The following LRBA variants were observed in gnomAD, a reference collection of about 807,000 sequenced individuals.
LRBA encodes the protein LPS responsive beige-like anchor protein.
LRBA carries 176 observed loss-of-function variants against 330.0 expected under a neutral mutation model. The observed-to-expected ratio is 0.53, with a 90% CI of 0.47 to 0.60. The LOEUF (loss-of-function observed/expected upper bound fraction) is 0.60, where lower values mean the gene tolerates loss of function less well. LRBA is among the 20% of genes least tolerant of loss of function. LRBA has a pLI of 0.00. For missense variants in LRBA, 3,259 were observed against 3,444.8 expected (o/e 0.95, Z 1.35); for synonymous variants, 1,230 against 1,193.0 (o/e 1.03, Z -0.64).
chr4:150,734,811 C>G (rs972668869), intron 36 of LRBA, among the ~76,000 whole-genome samples: 1 of 152,162 alleles, frequency 6.6e-6, no homozygotes, highest in East Asian at 1.9e-4. Context: ...AATACTGTTA[C>G]GCTCTCAAAC....
chr4:150,719,854 T>G (rs1728698483), intron 36 of LRBA, among the ~76,000 whole-genome samples: 1 of 152,156 alleles, frequency 6.6e-6, no homozygotes. Context: ...TAAACTCGAC[T>G]CTACTCTCTT....
rs542106932 is a variant in LRBA, at chr4:150,952,079, T to C, written c.217-23014A>G. Among the ~76,000 whole-genome samples the C allele has an allele frequency of 4.6e-5, 7 of 152,330 alleles. No individual in the cohort carries two copies. In the East Asian group the frequency reaches 1.3e-3, roughly 29 times the overall value. On this transcript the variant is annotated intron_variant, in intron 2 of 56. Transcript: ENST00000651943. The stretch of plus-strand genomic sequence containing the variant: ...CAGCCTTAGTCCAGAACACTAAGTG[T>C]CCACTACCAACTCCAAATCATTCTA...
intron 47 of LRBA, among the ~76,000 whole-genome samples, chr4:150,413,286 C>T (rs1273545951): frequency 6.6e-6 from 1 of 151,696 alleles, no homozygotes; most frequent in Admixed American, 6.6e-5. Context: ...TATTATATGA[C>T]CCAGGAATTC....
rs574191102 is a variant in LRBA at position 150,767,276 on chromosome 4, G to A, written c.5581-5429C>T. The stretch of plus-strand genomic sequence containing the variant: ...ATCTCCTAGAACGTATTTTAGTGAC[G>A]AATACACTAAATAAATTTATCTCAA... On this transcript the variant is annotated intron_variant, in intron 34 of 56. Coordinates refer to ENST00000651943, the MANE Select transcript of LRBA (RefSeq NM_001364905.1). 1.3e-4 allele frequency among the ~76,000 whole-genome samples: 19 copies of A among 151,984 alleles called. No homozygotes were observed. In the South Asian group the frequency reaches 2.7e-3, roughly 22 times the overall value.
At chr4:150,628,327 C>A (rs565547089) in intron 37 of LRBA, among the ~76,000 whole-genome samples, 1 of 152,212 alleles carries the variant, frequency 6.6e-6, no homozygotes, top group South Asian at 2.1e-4. Context: ...TAGAGAGAGT[C>A]AGGCAAATGC....
In LRBA at chr4:150,852,526, A is replaced by G; in HGVS notation, c.3184T>C (p.Ser1062Pro). 10 of 1,613,862 alleles carry G rather than the reference A, an allele frequency of 6.2e-6. No individual in the cohort carries two copies. The highest frequency in any genetic ancestry group is 8.5e-6 in the Non-Finnish European group (10 of 1,179,972). The change falls in exon 23 of 57, where the codon TCT becomes CCT. Residue 1062 changes from serine (S) to proline (P), a missense_variant. Coordinates refer to ENST00000651943, the MANE Select transcript of LRBA (RefSeq NM_001364905.1). ...TTGCCAGTTGTTATAAAAGAATTAG[A>G]GGAAATAGCCACAGCTTCTATTATG... The part of the protein sequence containing the change: ...SDIIEAVAIS[S>P]NSFITTGKDS...
intron 40 of LRBA, among the ~76,000 whole-genome samples, chr4:150,548,811 T>C (rs1299398544): frequency 1.1e-4 from 17 of 152,156 alleles, no homozygotes; most frequent in Non-Finnish European, 1.3e-4. Flanking sequence ...CTCTCAACAA[T>C]TGTATGAGGT....
intron 38 of LRBA, among the ~76,000 whole-genome samples, chr4:150,592,757 G>T (rs1773050019): frequency 6.6e-6 from 1 of 151,920 alleles, no homozygotes; most frequent in Admixed American, 6.6e-5. Flanking sequence ...CCTCCCAAGT[G>T]GCTGGGACCA....
At position 150,264,822 on chromosome 4, in the gene LRBA, A is replaced by C. The variant is rs1314321287; in HGVS notation, c.*900T>G. The C allele has an allele frequency of 6.5e-6, 1 of 152,682 alleles. No individual in the cohort carries two copies. The highest frequency in any genetic ancestry group is 6.5e-5 in the Admixed American group (1 of 15,292). 9.5% of individuals were successfully genotyped at this position (152,682 alleles called of 1,614,324 possible). A position where few individuals can be genotyped will look rare whatever the true frequency, so the allele number is the denominator to read the frequency against. The stretch of plus-strand genomic sequence containing the variant: ...GCTAATCAAAAGGAAGGTGGAGATG[A>C]TAGTTTAATAACAAATAGTAAAACA... On this transcript the variant is annotated 3_prime_UTR_variant, in exon 57 of 57. Transcript: ENST00000651943.
At chr4:150,908,634 T>TCCCC (rs1731606071) in intron 10 of LRBA, 26 bp downstream of exon 10, 1 of 1,585,022 alleles carries the variant, frequency 6.3e-7, no homozygotes, top group Admixed American at 1.8e-5. Context: ...CCATTATAAA[T>TCCCC]GTTCTTAAAA....
At chr4:150,394,413 T>C (rs1373410226) in intron 47 of LRBA, among the ~76,000 whole-genome samples, 2 of 152,234 alleles carry the variant, frequency 1.3e-5, no homozygotes, top group Non-Finnish European at 2.9e-5. Flanking sequence ...TTAATTATGG[T>C]ACTTAAGTTA....
intron 47 of LRBA, among the ~76,000 whole-genome samples, chr4:150,390,428 T>G (rs1374665175): frequency 6.6e-6 from 1 of 152,204 alleles, no homozygotes; most frequent in Non-Finnish European, 1.5e-5. Context: ...TTTGCTATGC[T>G]CTGATAACTG....
chr4:150,852,835 A>G lies in LRBA; in HGVS notation c.2875T>C (p.Ser959Pro), dbSNP rs1750772508. 1 of 1,613,836 alleles carries G rather than the reference A, an allele frequency of 6.2e-7. No homozygotes were observed. The highest frequency in any genetic ancestry group is 1.3e-5 in the African/African-American group (1 of 74,928). Residue 959 changes from serine (S) to proline (P), a missense_variant, in exon 23 of 57, where the codon TCT (serine) becomes CCT (proline). By Grantham distance (74) the Ser-to-Pro change is moderately conservative. Coordinates refer to ENST00000651943, the MANE Select transcript of LRBA (RefSeq NM_001364905.1). ...LCSSTSVQAA[S>P]GIRRDINVSV... Reference sequence around the variant, plus strand: ...ACATTAATATCCCTTCTAATGCCAGAGGCTGCTTGAACTGAAGTTGAAGAA... The same window carrying G: ...ACATTAATATCCCTTCTAATGCCAGGGGCTGCTTGAACTGAAGTTGAAGAA...
At chr4:150,985,843 G>T (rs1411745621) in intron 2 of LRBA, among the ~76,000 whole-genome samples, 1 of 151,524 alleles carries the variant, frequency 6.6e-6, no homozygotes, top group Non-Finnish European at 1.5e-5. Context: ...ATGTTGTTAG[G>T]AGGAAAAAAT....
chr4:150,479,120 A>T (rs1757024115), intron 42 of LRBA, among the ~76,000 whole-genome samples: 1 of 147,706 alleles, frequency 6.8e-6, no homozygotes, highest in Admixed American at 6.8e-5. Flanking sequence ...AGCATCTCTT[A>T]AAAAAAAAAA....
intron 47 of LRBA, among the ~76,000 whole-genome samples, chr4:150,363,871 T>C (rs779905564): frequency 2.0e-5 from 3 of 152,208 alleles, no homozygotes; most frequent in African/African-American, 4.8e-5. Flanking sequence ...CTTAAAGCAC[T>C]GTTTAAGAAG....
chr4:150,462,172 C>T (rs949733923), intron 44 of LRBA, among the ~76,000 whole-genome samples: 3 of 151,714 alleles, frequency 2.0e-5, no homozygotes, highest in African/African-American at 7.2e-5. Context: ...AATGTCACTC[C>T]AAATTCTATG....
chr4:150,351,103 G>A (rs1045305599), intron 47 of LRBA, among the ~76,000 whole-genome samples: 1 of 152,074 alleles, frequency 6.6e-6, no homozygotes, highest in African/African-American at 2.4e-5. Context: ...CAAGTATTTG[G>A]TTGAGATGCT....
At chr4:150,848,278 G>A (rs930918747) in intron 26 of LRBA, among the ~76,000 whole-genome samples, 4 of 152,132 alleles carry the variant, frequency 2.6e-5, no homozygotes, top group Non-Finnish European at 5.9e-5. Context: ...GCCTCCCAAA[G>A]AGCTGGGATT....
Sources: gnomAD v4.1 joint callset for allele counts (sites outside exome capture counted in the v4.1 genomes callset) on GRCh38, gnomAD v4.1.1 for gene constraint, MANE v1.5 for transcripts, NCBI Gene and HGNC (gene_info 2026-07-23, HGNC 2026-07-21) for gene names.